Variants in KCNMA1 observed in about 807,000 individuals in gnomAD.
The protein encoded by KCNMA1 is potassium calcium-activated channel subfamily M alpha 1.
A neutral mutation model predicts 140.0 loss-of-function variants in KCNMA1; 29 were observed. That is an observed-to-expected ratio of 0.21 (90% CI 0.15 to 0.28). KCNMA1 has a LOEUF of 0.28. KCNMA1 is among the 10% of genes least tolerant of loss of function. The pLI is 1.00. For missense variants in KCNMA1, 880 were observed against 1,602.2 expected (o/e 0.55, Z 7.70); for synonymous variants, 612 against 611.9 (o/e 1.00, Z 0.00).
intron 2 of KCNMA1, among the ~76,000 whole-genome samples, chr10:77,286,067 G>C (rs2070716207): frequency 1.3e-5 from 2 of 152,086 alleles, no homozygotes; most frequent in Admixed American, 6.5e-5. Flanking sequence ...CTCATGTCCT[G>C]TCCTGACAAC....
At chr10:77,001,769 G>A (rs558820407) in intron 18 of KCNMA1, among the ~76,000 whole-genome samples, 189 bp from the exon 19 acceptor site, 34 of 152,260 alleles carry the variant, frequency 2.2e-4, no homozygotes, top group African/African-American at 7.0e-4. Flanking sequence ...AAAAAGCAGC[G>A]AAAATATAAA....
intron 2 of KCNMA1, among the ~76,000 whole-genome samples, chr10:77,365,950 C>T (rs2094323327): frequency 6.6e-6 from 1 of 152,110 alleles, no homozygotes; most frequent in Non-Finnish European, 1.5e-5. Context: ...GATCCCCACA[C>T]AAATGTAGGA....
chr10:76,891,712 A>C lies in KCNMA1; in HGVS notation c.3155T>G (p.Phe1052Cys). ...VLDSLMSATY[F>C]NDNILTLIRT... The stretch of plus-strand genomic sequence containing the variant: ...TATCAGGGTGAGGATATTGTCATTG[A>C]AGTACGTCTGGGGAAGGAGAGAAAG... Residue 1052 changes from phenylalanine to cysteine, a missense_variant, in exon 26 of 28, where the codon TTC becomes TGC. Coordinates refer to ENST00000286628, the MANE Select transcript of KCNMA1 (RefSeq NM_001161352.2). 1 of 1,613,754 alleles carries C rather than the reference A, an allele frequency of 6.2e-7. No homozygotes were observed. The highest frequency in any genetic ancestry group is 8.5e-7 in the Non-Finnish European group (1 of 1,179,896).
chr10:77,488,064 T>A (rs930510626), intron 1 of KCNMA1, among the ~76,000 whole-genome samples: 1 of 152,166 alleles, frequency 6.6e-6, no homozygotes, highest in East Asian at 1.9e-4. Context: ...TATATGCCTA[T>A]TAATAAGCAC....
At position 77,408,473 on chromosome 10, in the gene KCNMA1, TGTGA is replaced by T. The variant is rs58704376; in HGVS notation, c.379-4454_379-4451del. 9.3e-3 allele frequency among the ~76,000 whole-genome samples: 1,408 copies of T among 151,980 alleles called. 19 individuals are homozygous for T. Among genetic ancestry groups the T allele is most frequent in the African/African-American group, 0.032 (1,336 of 41,438 alleles). On this transcript the variant is annotated intron_variant, in intron 1 of 27. Transcript: ENST00000286628. ...ATGTGTGTGTGCGTTTGTGTGCACG[TGTGA>T]GTGTGTACGTGTGTGTGCATGTCTG...
intron 2 of KCNMA1, among the ~76,000 whole-genome samples, chr10:77,383,676 G>C (rs1157684770): frequency 6.6e-6 from 1 of 151,986 alleles, no homozygotes; most frequent in Non-Finnish European, 1.5e-5. Context: ...TTTTTTTACA[G>C]TCTTTTTTTG....
intron 5 of KCNMA1, among the ~76,000 whole-genome samples, chr10:77,148,832 T>C (rs936140693): frequency 6.6e-6 from 1 of 152,230 alleles, no homozygotes; most frequent in Non-Finnish European, 1.5e-5. Flanking sequence ...CTGTAGGCCA[T>C]AGTTGGTCAA....
At chr10:77,435,724 AAGAC>A (rs2097249626) in intron 1 of KCNMA1, among the ~76,000 whole-genome samples, 1 of 152,228 alleles carries the variant, frequency 6.6e-6, no homozygotes, top group African/African-American at 2.4e-5. Context: ...GCATGGAAGA[AAGAC>A]AGCACCTAAA....
intron 3 of KCNMA1, among the ~76,000 whole-genome samples, chr10:77,245,734 T>A (rs765959667): frequency 2.6e-5 from 4 of 152,126 alleles, no homozygotes; most frequent in Non-Finnish European, 5.9e-5. Context: ...GTATGCCAAA[T>A]CACAAGGACA....
intron 3 of KCNMA1, among the ~76,000 whole-genome samples, chr10:77,226,333 T>C (rs1157240494): frequency 2.6e-5 from 4 of 152,088 alleles, no homozygotes; most frequent in African/African-American, 9.7e-5. Flanking sequence ...CTATTTTTCT[T>C]GGATCTGGAA....
chr10:76,996,681 G>A (rs961081934), intron 19 of KCNMA1, among the ~76,000 whole-genome samples: 3 of 152,070 alleles, frequency 2.0e-5, no homozygotes, highest in East Asian at 1.9e-4. Context: ...AGACTCAGAC[G>A]AACAGGCTTT....
At chr10:77,542,636 A>G (rs2060450803) in intron 1 of KCNMA1, among the ~76,000 whole-genome samples, 1 of 152,228 alleles carries the variant, frequency 6.6e-6, no homozygotes, top group Admixed American at 6.5e-5. Flanking sequence ...GAGTGTCCCA[A>G]TACATAATCA....
chr10:76,978,090 A>G (rs961396166), intron 19 of KCNMA1, among the ~76,000 whole-genome samples: 1 of 152,212 alleles, frequency 6.6e-6, no homozygotes, highest in Non-Finnish European at 1.5e-5. Context: ...TAACTCCTGG[A>G]TTCATCTGCC....
chr10:76,907,196 C>T (rs1036852933), intron 25 of KCNMA1, among the ~76,000 whole-genome samples: 1 of 152,232 alleles, frequency 6.6e-6, no homozygotes, highest in African/African-American at 2.4e-5. Context: ...CATACTATTG[C>T]ATCCAAACAT....
In KCNMA1 at chr10:77,039,776, C is replaced by T. The variant is rs1275845923; in HGVS notation, c.1750-139G>A. The T allele has an allele frequency of 4.3e-6, 3 of 695,338 alleles. No homozygotes were observed. The East Asian group carries it at 8.1e-5, about 19-fold the overall frequency. 43.1% of individuals were successfully genotyped at this position (695,338 alleles called of 1,614,324 possible). A position where few individuals can be genotyped will look rare whatever the true frequency, so the allele number is the denominator to read the frequency against. On this transcript the variant is annotated intron_variant, in intron 14 of 27. Coordinates refer to ENST00000286628, the MANE Select transcript of KCNMA1 (RefSeq NM_001161352.2). ...CCTTTTCAGCAATCAGGAACACGGC[C>T]TCTGCACCCATATAAAGCCTTCAAT...
rs5786248 is a variant in KCNMA1 at position 76,900,896 on chromosome 10, T to TA, written c.3147+9069dup. On this transcript the variant is annotated intron_variant, in intron 25 of 27. Coordinates refer to ENST00000286628, the MANE Select transcript of KCNMA1 (RefSeq NM_001161352.2). Reference sequence around the variant, plus strand: ...GAAATTTTAAAATGTCCCTATTTGTTAAAAAAAAAAAAAACCCAGTACATT... The same window carrying TA: ...GAAATTTTAAAATGTCCCTATTTGTTAAAAAAAAAAAAAAACCCAGTACATT... 3.2e-3 allele frequency among the ~76,000 whole-genome samples: 471 copies of TA among 146,258 alleles called. 1 individual carries two copies. The highest frequency in any genetic ancestry group is 7.6e-3 in the East Asian group (38 of 5,024).
intron 2 of KCNMA1, among the ~76,000 whole-genome samples, chr10:77,275,598 G>A (rs2066427810): frequency 6.6e-6 from 1 of 152,184 alleles, no homozygotes; most frequent in Non-Finnish European, 1.5e-5. Context: ...CATTGCCATA[G>A]TCCCAATTGT....
chr10:76,953,052 C>G (rs927426060), intron 21 of KCNMA1, among the ~76,000 whole-genome samples: 1 of 152,320 alleles, frequency 6.6e-6, no homozygotes, highest in African/African-American at 2.4e-5. Flanking sequence ...GTTACCTATG[C>G]TGACATTCCT....
At chr10:77,209,425 G>T (rs1278401100) in intron 3 of KCNMA1, among the ~76,000 whole-genome samples, 1 of 152,086 alleles carries the variant, frequency 6.6e-6, no homozygotes, top group Non-Finnish European at 1.5e-5. Flanking sequence ...TTAATTTTTG[G>T]TCTTGCAAAT....
Sources: allele counts gnomAD v4.1 joint callset (sites outside exome capture counted in the v4.1 genomes callset), GRCh38; gene constraint gnomAD v4.1.1; transcripts MANE v1.5; gene names NCBI Gene and HGNC (gene_info 2026-07-23, HGNC 2026-07-21).